CAMSAP2: variants seen among roughly 807,000 people sequenced by gnomAD.
CAMSAP2 encodes calmodulin regulated spectrin associated protein family member 2, also known as calmodulin-regulated spectrin-associated protein 2.
CAMSAP2 carries 26 observed loss-of-function variants against 146.1 expected under a neutral mutation model. That is an observed-to-expected ratio of 0.18 (90% CI 0.13 to 0.25). CAMSAP2 has a LOEUF of 0.25. CAMSAP2 is among the 10% of genes least tolerant of loss of function. The probability of loss-of-function intolerance (pLI) is 1.00; values close to 1 mark genes in which losing one functional copy is unlikely to be tolerated. For missense variants in CAMSAP2, 1,381 were observed against 1,759.3 expected (o/e 0.78, Z 3.85); for synonymous variants, 499 against 596.6 (o/e 0.84, Z 2.38).
At chr1:200,800,813 A>G (rs1666014184) in intron 2 of CAMSAP2, among the ~76,000 whole-genome samples, 1 of 152,194 alleles carries the variant, frequency 6.6e-6, no homozygotes, top group Admixed American at 6.5e-5. Context: ...GGTTTTTCCT[A>G]TCCACATTTA....
At chr1:200,774,462 AG>A (rs1193813353) in intron 2 of CAMSAP2, among the ~76,000 whole-genome samples, 4 of 152,130 alleles carry the variant, frequency 2.6e-5, no homozygotes, top group African/African-American at 7.2e-5. Context: ...CTATACTTGG[AG>A]GATTGTGAGA....
At chr1:200,769,418 G>T (rs1170000886) in intron 2 of CAMSAP2, among the ~76,000 whole-genome samples, 1 of 152,138 alleles carries the variant, frequency 6.6e-6, no homozygotes, top group African/African-American at 2.4e-5. Flanking sequence ...CACCAGTGGG[G>T]TGTCCTCTAA....
At chr1:200,767,028 T>C (rs1042301705) in intron 2 of CAMSAP2, among the ~76,000 whole-genome samples, 5 of 152,122 alleles carry the variant, frequency 3.3e-5, no homozygotes, top group Non-Finnish European at 5.9e-5. Context: ...AGTTAATTGA[T>C]ACAGTATTTA....
intron 3 of CAMSAP2, among the ~76,000 whole-genome samples, chr1:200,812,624 T>C (rs181972185): frequency 1.6e-3 from 239 of 152,222 alleles, no homozygotes; most frequent in Non-Finnish European, 2.6e-3. Flanking sequence ...TTTTCCTGGA[T>C]AATGCATCCA....
chr1:200,853,655 A>G lies in CAMSAP2; in HGVS notation c.3823+160A>G, dbSNP rs1667680409. Reference sequence around the variant, plus strand: ...CCAAAATGAGCAAATGAAGTTTTTAATAAATTAAATGTATTATGTGTGCAT... The same window carrying G: ...CCAAAATGAGCAAATGAAGTTTTTAGTAAATTAAATGTATTATGTGTGCAT... On this transcript the variant is annotated intron_variant, in intron 13 of 16. Transcript: ENST00000358823. The surrounding 1 kb of genome is among the most constrained non-coding windows in gnomAD (Gnocchi z 5.1). Among the ~76,000 whole-genome samples the G allele has an allele frequency of 6.6e-6, 1 of 152,274 alleles. No homozygotes were observed. The highest frequency in any genetic ancestry group is 1.5e-5 in the Non-Finnish European group (1 of 68,048).
At chr1:200,815,858 T>C (rs1205556217) in intron 4 of CAMSAP2, among the ~76,000 whole-genome samples, 1 of 152,234 alleles carries the variant, frequency 6.6e-6, no homozygotes, top group Non-Finnish European at 1.5e-5. Flanking sequence ...TATTAATGAC[T>C]AGAACTCAAG....
chr1:200,807,627 G>C, intron 3 of CAMSAP2, 90 bp downstream of exon 3: 1 of 864,588 alleles, frequency 1.2e-6, no homozygotes, highest in Non-Finnish European at 1.5e-6. Flanking sequence ...TACTCTTTTT[G>C]TTTCAAATCA....
At chr1:200,818,632 AAC>A (rs1472488917) in intron 4 of CAMSAP2, among the ~76,000 whole-genome samples, 1 of 152,142 alleles carries the variant, frequency 6.6e-6, no homozygotes, top group Admixed American at 6.6e-5. Context: ...ATTATGAAGA[AAC>A]ACACAATCAC....
At chr1:200,847,821 A>C in intron 10 of CAMSAP2, 112 bp downstream of exon 10, 1 of 1,063,546 alleles carries the variant, frequency 9.4e-7, no homozygotes, top group South Asian at 1.4e-5. Context: ...TTAGTTCCTA[A>C]ATTTGAAAAA....
intron 2 of CAMSAP2, among the ~76,000 whole-genome samples, chr1:200,785,926 A>G (rs1665577182): frequency 6.9e-6 from 1 of 144,338 alleles, no homozygotes; most frequent in Non-Finnish European, 1.5e-5. Flanking sequence ...CTGATCTCAA[A>G]TGATCCACCT....
At chr1:200,844,744 G>A (rs1326421230) in intron 7 of CAMSAP2, 38 bp from the exon 8 acceptor site, 1 of 1,199,878 alleles carries the variant, frequency 8.3e-7, no homozygotes, top group Non-Finnish European at 1.2e-6. Context: ...ATAGAAATAT[G>A]CTAATTTGAG....
chr1:200,795,301 T>C (rs1665856797), intron 2 of CAMSAP2, among the ~76,000 whole-genome samples: 1 of 152,210 alleles, frequency 6.6e-6, no homozygotes, highest in South Asian at 2.1e-4. Flanking sequence ...CACTTGTAGC[T>C]GTGAGGGACT....
At chr1:200,773,619 A>G (rs750473891) in intron 2 of CAMSAP2, among the ~76,000 whole-genome samples, 4 of 152,236 alleles carry the variant, frequency 2.6e-5, no homozygotes, top group Non-Finnish European at 5.9e-5. Context: ...ATTTAAATAG[A>G]TGGTATATTG....
chr1:200,844,329 C>T (rs1422355651), intron 7 of CAMSAP2, among the ~76,000 whole-genome samples: 1 of 151,786 alleles, frequency 6.6e-6, no homozygotes, highest in Non-Finnish European at 1.5e-5. Flanking sequence ...GCGGGCAGAT[C>T]ACAAGGTCAA....
chr1:200,858,172 A>T lies in CAMSAP2; in HGVS notation c.*113A>T. On this transcript the variant is annotated 3_prime_UTR_variant, in exon 17 of 17. Coordinates refer to ENST00000358823, the MANE Select transcript of CAMSAP2 (RefSeq NM_203459.4). Reference sequence around the variant, plus strand: ...AGACTTTTATTAATTAAAACTGGACATTAAGCTCTGTTGTCATGAACAACT... The same window carrying T: ...AGACTTTTATTAATTAAAACTGGACTTTAAGCTCTGTTGTCATGAACAACT... The T allele has an allele frequency of 1.1e-6, 1 of 927,702 alleles. No homozygotes were observed. Among genetic ancestry groups the T allele is most frequent in the Non-Finnish European group, 1.6e-6 (1 of 622,698 alleles). The allele number at this position is 927,702 out of a possible 1,614,324, so 57.5% of individuals were successfully genotyped here. A position where few individuals can be genotyped will look rare whatever the true frequency, so the allele number is the denominator to read the frequency against.
intron 3 of CAMSAP2, among the ~76,000 whole-genome samples, chr1:200,809,751 TAATAAC>T (rs1290644862): frequency 6.6e-6 from 1 of 152,090 alleles, no homozygotes; most frequent in African/African-American, 2.4e-5. Flanking sequence ...ATGATAATAA[TAATAAC>T]AGAATACCTG....
intron 2 of CAMSAP2, among the ~76,000 whole-genome samples, chr1:200,775,088 A>G (rs1267518021): frequency 1.3e-5 from 2 of 152,232 alleles, no homozygotes; most frequent in Non-Finnish European, 2.9e-5. Context: ...AGCTACAAGG[A>G]GTGGAACAGG....
At chr1:200,763,984 T>G (rs892748385) in intron 2 of CAMSAP2, among the ~76,000 whole-genome samples, 2 of 151,990 alleles carry the variant, frequency 1.3e-5, no homozygotes, top group African/African-American at 4.8e-5. Flanking sequence ...GGCAGGAGAA[T>G]CGCTTGAACC....
intron 1 of CAMSAP2, among the ~76,000 whole-genome samples, chr1:200,746,157 A>G (rs1356141585): frequency 6.6e-6 from 1 of 152,228 alleles, no homozygotes; most frequent in Non-Finnish European, 1.5e-5. Flanking sequence ...TATGTAATGT[A>G]TATTTTACCA....
Sources: allele counts gnomAD v4.1 joint callset (sites outside exome capture counted in the v4.1 genomes callset), GRCh38; gene constraint gnomAD v4.1.1; non-coding constraint Gnocchi (gnomAD v3.1); transcripts MANE v1.5; gene names NCBI Gene and HGNC (gene_info 2026-07-23, HGNC 2026-07-21).